The following NIBAN3 variants were observed in gnomAD, a reference collection of about 807,000 sequenced individuals.
The protein encoded by NIBAN3 is protein Niban 3.
In NIBAN3, 66 loss-of-function variants were observed where a neutral mutation model predicts 76.4. The observed-to-expected ratio is 0.86, with a 90% CI of 0.71 to 1.06. The LOEUF is 1.06. NIBAN3 is among the 50% of genes least tolerant of loss of function. The pLI is 0.00. For missense variants in NIBAN3, 808 were observed against 810.7 expected, an observed-to-expected ratio of 1.00 and a Z score of 0.04; for synonymous variants, 360 against 355.2, an observed-to-expected ratio of 1.01 and a Z score of -0.15.
intron 4 of NIBAN3, among the ~76,000 whole-genome samples, chr19:17,535,442 C>G (rs2075808415): frequency 6.6e-6 from 1 of 151,958 alleles, no homozygotes; most frequent in Non-Finnish European, 1.5e-5. Flanking sequence ...GAGCCAGGAG[C>G]TGTCTCTATT....
At chr19:17,546,321 C>G (rs146682645) in intron 12 of NIBAN3, 1 of 158,922 alleles carries the variant, frequency 6.3e-6, no homozygotes, top group Non-Finnish European at 1.4e-5. Flanking sequence ...CTCATGTCCT[C>G]GGTCTCTTGC....
chr19:17,532,189 G>T, intron 2 of NIBAN3, 74 bp from the exon 3 acceptor site: 1 of 1,525,862 alleles, frequency 6.6e-7, no homozygotes, highest in African/African-American at 1.4e-5. Context: ...AGGATACAGC[G>T]GGTGTCTGGG....
At chr19:17,547,350 C>CT (rs1161818189) in intron 13 of NIBAN3, among the ~76,000 whole-genome samples, 25,402 of 61,342 alleles carry the variant, frequency 0.41, 8,073 homozygotes, top group East Asian at 0.64. Context: ...GAGACTATGT[C>CT]TTTTTTTTTT....
chr19:17,544,684 G>A (rs2076017777), intron 12 of NIBAN3, among the ~76,000 whole-genome samples: 1 of 152,220 alleles, frequency 6.6e-6, no homozygotes, highest in African/African-American at 2.4e-5. Flanking sequence ...GTGAGTGGAA[G>A]AGTGGGAAGG....
rs765774365 is a variant in NIBAN3 at position 17,553,264 on chromosome 19, T to G, written c.*1366T>G. The G allele has an allele frequency of 5.6e-6, 9 of 1,596,646 alleles. No individual in the cohort carries two copies. Among genetic ancestry groups the G allele is most frequent in the Middle Eastern group, 2.1e-4 (1 of 4,702 alleles). On this transcript the variant is annotated 3_prime_UTR_variant, in exon 15 of 15. Transcript: ENST00000599164. ...GCTTTGTGATACAGGTTACAGATTT[T>G]GGGGTTTTTTTCTCCGCTTGCTGTG...
chr19:17,526,433 A>G (rs540961232), upstream of NIBAN3, among the ~76,000 whole-genome samples: 3 of 151,848 alleles, frequency 2.0e-5, no homozygotes, highest in South Asian at 6.2e-4. Context: ...ACTTGAGTCC[A>G]GAAGTTTGAG....
In NIBAN3 at chr19:17,553,441, C is replaced by G; in HGVS notation, c.*1543C>G. 1 of 1,614,162 alleles carries G rather than the reference C, an allele frequency of 6.2e-7. No individual in the cohort carries two copies. Among genetic ancestry groups the G allele is most frequent in the East Asian group, 2.2e-5 (1 of 44,880 alleles). On this transcript the variant is annotated 3_prime_UTR_variant, in exon 15 of 15. Transcript: ENST00000599164. Reference sequence around the variant, plus strand: ...TTCTCTGCTGTCTTGCAGCTGCTTCCGGAGTGGGTTCCACAGGGATTCCCG... The same window carrying G: ...TTCTCTGCTGTCTTGCAGCTGCTTCGGGAGTGGGTTCCACAGGGATTCCCG...
intron 13 of NIBAN3, 143 bp from the exon 14 acceptor site, chr19:17,549,301 G>A (rs1173242384): frequency 1.5e-6 from 1 of 664,440 alleles, no homozygotes; most frequent in Non-Finnish European, 2.7e-6. Context: ...TCTGCCATGG[G>A]TGCGGGCTTG....
intron 4 of NIBAN3, among the ~76,000 whole-genome samples, chr19:17,537,154 T>C (rs1212132450): frequency 6.6e-6 from 1 of 151,940 alleles, no homozygotes; most frequent in Non-Finnish European, 1.5e-5. Context: ...CTGGGATGGA[T>C]TGGTGATGTC....
chr19:17,527,451 A>G (rs2075626135), intron 1 of NIBAN3, 56 bp downstream of exon 1: 9 of 1,466,864 alleles, frequency 6.1e-6, no homozygotes, highest in Non-Finnish European at 8.1e-6. Flanking sequence ...GGCTCCAGCC[A>G]TTGGGTCCAC....
At position 17,543,320 on chromosome 19, in the gene NIBAN3, A is replaced by G; in HGVS notation, c.1333A>G (p.Met445Val). ...ATCATAGCATCTCCTCCCACAGCTC[A>G]TGGCTGACGCCGTGGCCACCTTCCT... Reference protein sequence around the residue: ...FGAQDLAQQLMADAVATFLQL... With the variant: ...FGAQDLAQQLVADAVATFLQL... Residue 445 changes from methionine (M) to valine (V), a missense_variant, in exon 11 of 15, where the codon ATG becomes GTG. Coordinates refer to ENST00000599164, the MANE Select transcript of NIBAN3 (RefSeq NM_001321827.2). 6.4e-7 allele frequency: 1 copy of G among 1,558,162 alleles called. No homozygotes were observed. Among genetic ancestry groups the G allele is most frequent in the Non-Finnish European group, 8.7e-7 (1 of 1,148,522 alleles).
At chr19:17,533,373 G>C in intron 3 of NIBAN3, 1 of 467,438 alleles carries the variant, frequency 2.1e-6, no homozygotes. Context: ...TCGCGCCATC[G>C]CACTCCAGCC....
intron 5 of NIBAN3, among the ~76,000 whole-genome samples, chr19:17,538,738 GAAAGAA>G (rs1220551449): frequency 9.4e-5 from 5 of 53,248 alleles, no homozygotes; most frequent in Non-Finnish European, 2.3e-4. Flanking sequence ...AAGCAAGAAA[GAAAGAA>G]AGAGAAAGAA....
At chr19:17,530,485 A>ATCG (rs1479419365) in intron 1 of NIBAN3, among the ~76,000 whole-genome samples, 5 of 144,906 alleles carry the variant, frequency 3.5e-5, no homozygotes, top group Admixed American at 1.4e-4. Context: ...GTGAGCTGAG[A>ATCG]TCGTGCCACT....
Position 17,551,854 on chromosome 19 carries a change from C to T in NIBAN3, c.1819C>T (p.Gln607Ter), listed in dbSNP as rs1678127199. The T allele has an allele frequency of 2.6e-6, 2 of 780,206 alleles. No homozygotes were observed. Among genetic ancestry groups the T allele is most frequent in the East Asian group, 2.4e-5 (1 of 41,254 alleles). The allele number at this position is 780,206 out of a possible 1,614,324, so 48.3% of individuals were successfully genotyped here. Residue 607 changes from glutamine (Q) to a stop codon, truncating the protein, a stop_gained, in exon 15 of 15, where the codon CAG (glutamine) becomes TAG (stop). Transcript: ENST00000599164. LOFTEE classifies it high-confidence loss of function. ...PRQPDSGAQI[Q>*]PLCPPPSPGT... ...GCAGCCAGACTCTGGTGCCCAGATC[C>T]AGCCACTCTGCCCACCGCCTTCTCC...
chr19:17,536,655 TC>T (rs2075829319), intron 4 of NIBAN3, among the ~76,000 whole-genome samples: 1 of 152,206 alleles, frequency 6.6e-6, no homozygotes, highest in Non-Finnish European at 1.5e-5. Context: ...TCCTCCCACT[TC>T]AGCCTCCAAA....
chr19:17,535,023 C>T (rs1368215968), intron 4 of NIBAN3, among the ~76,000 whole-genome samples: 2 of 152,206 alleles, frequency 1.3e-5, no homozygotes, highest in African/African-American at 2.4e-5. Context: ...TAAAAGCTAT[C>T]TTGCTGTCAA....
intron 13 of NIBAN3, 113 bp from the exon 14 acceptor site, chr19:17,549,331 C>A: frequency 1.3e-6 from 1 of 763,882 alleles, no homozygotes; most frequent in Non-Finnish European, 2.2e-6. Context: ...TCTATGTGAG[C>A]CACCTCTTTA....
At position 17,527,317 on chromosome 19, in the gene NIBAN3, G is replaced by A. The variant is rs778602305; in HGVS notation, c.-24G>A. On this transcript the variant is annotated 5_prime_UTR_variant, in exon 1 of 15. Coordinates refer to ENST00000599164, the MANE Select transcript of NIBAN3 (RefSeq NM_001321827.2). ...GGCGGTGGTCGTGGGGAAGGGAAGA[G>A]GAGCCCCGGGAGACGACAGCAGCAT... 6.4e-7 allele frequency: 1 copy of A among 1,550,544 alleles called. No homozygotes were observed. Among genetic ancestry groups the A allele is most frequent in the Non-Finnish European group, 8.7e-7 (1 of 1,146,800 alleles).
Sources: gnomAD v4.1 joint callset for allele counts (sites outside exome capture counted in the v4.1 genomes callset) on GRCh38, gnomAD v4.1.1 for gene constraint, MANE v1.5 for transcripts, NCBI Gene and HGNC (gene_info 2026-07-23, HGNC 2026-07-21) for gene names.